TENM2: variants seen among roughly 807,000 people sequenced by gnomAD.
The protein encoded by TENM2 is teneurin-2.
Under a neutral mutation model 245.2 loss-of-function variants are expected in TENM2, and 52 were observed. The observed-to-expected ratio is 0.21, with a 90% CI of 0.17 to 0.27. The LOEUF (loss-of-function observed/expected upper bound fraction) is 0.27. Among genes scored for constraint, TENM2 ranks in the 10% least tolerant of loss-of-function variants. The pLI, the probability that TENM2 is intolerant of heterozygous loss-of-function variation, is 1.00. For synonymous variants in TENM2, 1,363 were observed against 1,438.9 expected, an observed-to-expected ratio of 0.95 and a Z score of 1.19; for missense variants, 3,046 against 3,666.8, an observed-to-expected ratio of 0.83 and a Z score of 4.37.
chr5:167,109,819 T>A, the TENM2 span, among the ~76,000 whole-genome samples: 1 of 152,240 alleles, frequency 6.6e-6, no homozygotes, highest in African/African-American at 2.4e-5. Context: ...CTAGTAACTA[T>A]TATGCTCCCC....
At chr5:167,243,445 G>A in the TENM2 span, among the ~76,000 whole-genome samples, 1 of 152,108 alleles carries the variant, frequency 6.6e-6, no homozygotes, top group South Asian at 2.1e-4. Flanking sequence ...GCAGGGAAGG[G>A]AAGTGAAGAT....
chr5:167,088,167 G>C, the TENM2 span, among the ~76,000 whole-genome samples: 3 of 152,132 alleles, frequency 2.0e-5, no homozygotes, highest in Non-Finnish European at 4.4e-5. Flanking sequence ...GGATGACCAA[G>C]CTGTAATTAT....
chr5:167,808,811 A>G (rs538003183), intron 2 of TENM2, among the ~76,000 whole-genome samples: 6 of 152,312 alleles, frequency 3.9e-5, no homozygotes, highest in Admixed American at 3.3e-4. Flanking sequence ...GTTCCCTTAA[A>G]TATTGAGAAC....
intron 2 of TENM2, among the ~76,000 whole-genome samples, chr5:167,596,516 G>A (rs1400507510): frequency 3.9e-5 from 6 of 152,116 alleles, no homozygotes; most frequent in African/African-American, 1.2e-4. Flanking sequence ...AATGCAGGCC[G>A]GGCGCGGTGG....
intron 2 of TENM2, among the ~76,000 whole-genome samples, chr5:167,495,993 A>G (rs1768791493): frequency 6.6e-6 from 1 of 152,056 alleles, no homozygotes; most frequent in African/African-American, 2.4e-5. Flanking sequence ...TCTACCATAT[A>G]CAAAACCAGA....
chr5:168,165,616 C>T (rs1382238931), intron 13 of TENM2, among the ~76,000 whole-genome samples: 1 of 138,446 alleles, frequency 7.2e-6, no homozygotes, highest in African/African-American at 2.8e-5. Context: ...CTAAGGGTTG[C>T]CCACCAGGCA....
chr5:167,164,344 C>G, the TENM2 span, among the ~76,000 whole-genome samples: 2 of 152,178 alleles, frequency 1.3e-5, no homozygotes, highest in Admixed American at 6.5e-5. Flanking sequence ...GAGAGATTAT[C>G]TAAAGACATA....
chr5:167,624,324 A>G (rs1778365171), intron 2 of TENM2, among the ~76,000 whole-genome samples: 1 of 152,186 alleles, frequency 6.6e-6, no homozygotes, highest in African/African-American at 2.4e-5. Context: ...AGAAATAGAA[A>G]ACCAAATATT....
intron 25 of TENM2, among the ~76,000 whole-genome samples, chr5:168,235,965 G>C (rs1299961833): frequency 1.3e-5 from 2 of 152,162 alleles, no homozygotes; most frequent in African/African-American, 4.8e-5. Context: ...ATGGAGTTGG[G>C]GGAAAAGCCT....
the TENM2 span, among the ~76,000 whole-genome samples, chr5:167,221,274 G>A: frequency 6.6e-6 from 1 of 152,146 alleles, no homozygotes; most frequent in Non-Finnish European, 1.5e-5. Flanking sequence ...AAAGTAAATG[G>A]TAAGCATGTG....
At chr5:166,991,116 C>G in the TENM2 span, among the ~76,000 whole-genome samples, 1 of 150,800 alleles carries the variant, frequency 6.6e-6, no homozygotes, top group Non-Finnish European at 1.5e-5. Flanking sequence ...ATGCATAGAA[C>G]AAAAATGTTT....
chr5:167,051,697 T>C, the TENM2 span, among the ~76,000 whole-genome samples: 1 of 152,212 alleles, frequency 6.6e-6, no homozygotes, highest in Non-Finnish European at 1.5e-5. Flanking sequence ...TTTATATTGG[T>C]ACAAGGTGGA....
chr5:166,991,169 ATTT>A, the TENM2 span, among the ~76,000 whole-genome samples: 118 of 139,694 alleles, frequency 8.4e-4, 1 homozygote, highest in African/African-American at 3.0e-3. Context: ...TGGTGTTTTG[ATTT>A]TTTTTTTTTT....
intron 2 of TENM2, among the ~76,000 whole-genome samples, chr5:167,790,761 CCTT>C (rs1345725596): frequency 2.6e-5 from 4 of 152,134 alleles, no homozygotes. Flanking sequence ...CTTTCTCTAA[CCTT>C]CTCCGCATAG....
intron 7 of TENM2, among the ~76,000 whole-genome samples, chr5:168,075,481 A>G (rs559720548): frequency 6.6e-6 from 1 of 152,316 alleles, no homozygotes; most frequent in East Asian, 1.9e-4. Flanking sequence ...CACCACAGCC[A>G]TAATAGAGGA....
At chr5:168,118,308 G>A in exon 10 of TENM2, 1 of 1,599,066 alleles carries the variant, frequency 6.3e-7, no homozygotes, top group Non-Finnish European at 8.5e-7. Flanking sequence ...GCCCTGTCCT[G>A]TGCAGTGGGA....
intron 2 of TENM2, among the ~76,000 whole-genome samples, chr5:167,405,549 TG>T (rs1762582413): frequency 6.6e-6 from 1 of 151,992 alleles, no homozygotes; most frequent in Non-Finnish European, 1.5e-5. Flanking sequence ...AAAGGTAATC[TG>T]GGTAATGCCG....
At chr5:168,222,358 A>G (rs1763743064) in intron 23 of TENM2, among the ~76,000 whole-genome samples, 1 of 152,240 alleles carries the variant, frequency 6.6e-6, no homozygotes, top group Non-Finnish European at 1.5e-5. Context: ...GCCCTCCAGA[A>G]GACAGAAATG....
the TENM2 span, among the ~76,000 whole-genome samples, chr5:167,139,364 T>G: frequency 6.6e-6 from 1 of 152,262 alleles, no homozygotes; most frequent in Non-Finnish European, 1.5e-5. Flanking sequence ...GAAAGGTTTA[T>G]GGAGTACATT....
Sources: allele counts gnomAD v4.1 joint callset (sites outside exome capture counted in the v4.1 genomes callset), GRCh38; gene constraint gnomAD v4.1.1; transcripts MANE v1.5; gene names NCBI Gene and HGNC (gene_info 2026-07-23, HGNC 2026-07-21).